Variants in RBFOX1 observed in about 807,000 individuals in gnomAD.
The protein encoded by RBFOX1 is RNA binding protein fox-1 homolog 1.
Under a neutral mutation model 57.7 loss-of-function variants are expected in RBFOX1, and 8 were observed. The observed-to-expected ratio is 0.14, with a 90% CI of 0.08 to 0.25. The LOEUF is 0.25. RBFOX1 is among the 10% of genes least tolerant of loss of function. The pLI, the probability that RBFOX1 is intolerant of heterozygous loss-of-function variation, is 1.00. For missense variants in RBFOX1, 611 were observed against 548.5 expected, an observed-to-expected ratio of 1.11 and a Z score of -1.14; for synonymous variants, 326 against 222.4, an observed-to-expected ratio of 1.47 and a Z score of -4.15.
chr16:6,588,794 T>A (rs1316948484), intron 2 of RBFOX1, among the ~76,000 whole-genome samples: 1 of 152,222 alleles, frequency 6.6e-6, no homozygotes, highest in East Asian at 1.9e-4. Flanking sequence ...GTCATTCAGT[T>A]CAACTTCAGC....
Position 5,848,046 on chromosome 16 carries a change from G to A in RBFOX1, c.319-19257G>A, listed in dbSNP as rs369948586. The stretch of plus-strand genomic sequence containing the variant: ...GCATACCCTGAGAATTATCCTGCAT[G>A]GCAGATGCACCTGAATGTGTGTCCG... On this transcript the variant is annotated intron_variant, in intron 3 of 19. Coordinates refer to the RBFOX1 transcript ENST00000641259. 7.2e-5 allele frequency among the ~76,000 whole-genome samples: 11 copies of A among 152,212 alleles called. No homozygotes were observed. The East Asian group carries it at 1.7e-3, about 24-fold the overall frequency.
At chr16:6,484,539 G>A (rs757943825) in intron 2 of RBFOX1, among the ~76,000 whole-genome samples, 1 of 152,138 alleles carries the variant, frequency 6.6e-6, no homozygotes, top group Non-Finnish European at 1.5e-5. Flanking sequence ...GGAATGAACT[G>A]TTATGCATTT....
intron 2 of RBFOX1, among the ~76,000 whole-genome samples, chr16:6,634,722 T>TATATTTGTATTAAATATATA: frequency 7.2e-6 from 1 of 138,934 alleles, no homozygotes; most frequent in Non-Finnish European, 1.5e-5. Context: ...AAATATATAA[T>TATATTTGTATTAAATATATA]ACAAAGATAT....
chr16:7,104,433 G>A (rs910807694), intron 4 of RBFOX1, among the ~76,000 whole-genome samples: 5 of 152,228 alleles, frequency 3.3e-5, no homozygotes, highest in Non-Finnish European at 5.9e-5. Flanking sequence ...TTGTCATCCT[G>A]AGATGGAGGG....
chr16:6,569,286 G>A (rs1235565358), intron 2 of RBFOX1, among the ~76,000 whole-genome samples: 1 of 152,128 alleles, frequency 6.6e-6, no homozygotes, highest in Non-Finnish European at 1.5e-5. Flanking sequence ...ATTTCTTTTT[G>A]TTGAATGAGT....
At chr16:6,333,276 C>G (rs1015668551) in intron 2 of RBFOX1, among the ~76,000 whole-genome samples, 7 of 152,162 alleles carry the variant, frequency 4.6e-5, no homozygotes, top group African/African-American at 1.7e-4. Flanking sequence ...AATTCCTGAG[C>G]TCAGGTGATC....
chr16:7,653,460 T>TG (rs1293665879), intron 11 of RBFOX1, among the ~76,000 whole-genome samples: 1 of 152,156 alleles, frequency 6.6e-6, no homozygotes, highest in Non-Finnish European at 1.5e-5. Context: ...GAGCCGTGAT[T>TG]GCACCACTGC....
At chr16:6,728,468 T>A (rs2067758128) in intron 3 of RBFOX1, among the ~76,000 whole-genome samples, 1 of 152,212 alleles carries the variant, frequency 6.6e-6, no homozygotes. Flanking sequence ...TATGAAGTAA[T>A]CCCTTTTATT....
intron 3 of RBFOX1, among the ~76,000 whole-genome samples, chr16:6,772,583 T>C (rs2078495806): frequency 2.7e-5 from 4 of 150,080 alleles, no homozygotes; most frequent in Non-Finnish European, 5.9e-5. Context: ...TGTGTATGTA[T>C]ATGGGTGGGT....
In RBFOX1 at chr16:6,842,630, C is replaced by G. The variant is rs576537389; in HGVS notation, c.-16+187980C>G. Among the ~76,000 whole-genome samples the G allele has an allele frequency of 3.9e-5, 4 of 102,624 alleles. No homozygotes were observed. In the South Asian group the frequency reaches 1.4e-3, roughly 35 times the overall value. The allele number at this position is 102,624 out of a possible 152,430, so 67.3% of individuals were successfully genotyped here. On this transcript the variant is annotated intron_variant, in intron 3 of 15. Transcript: ENST00000550418. ...AGTTTCCTGCTGACAGACATTTAGA[C>G]TGTTTTTTTTAAATCTATTTGCTTT... is the stretch of plus-strand genomic sequence containing the variant.
At chr16:5,493,238 T>C (rs1236237594) in intron 2 of RBFOX1, among the ~76,000 whole-genome samples, 1 of 152,208 alleles carries the variant, frequency 6.6e-6, no homozygotes, top group African/African-American at 2.4e-5. Context: ...TTTTTGTTAT[T>C]ATTTCTTACA....
intron 4 of RBFOX1, among the ~76,000 whole-genome samples, chr16:7,114,076 T>C (rs2065354402): frequency 6.6e-6 from 1 of 152,222 alleles, no homozygotes; most frequent in South Asian, 2.1e-4. Context: ...GGCAAAATTT[T>C]CTCTCACCTC....
chr16:6,804,564 C>G (rs1465947670), intron 3 of RBFOX1, among the ~76,000 whole-genome samples: 6 of 152,110 alleles, frequency 3.9e-5, no homozygotes, highest in Non-Finnish European at 5.9e-5. Flanking sequence ...TTGTATGTGG[C>G]TACTGTGGAA....
At position 7,147,321 on chromosome 16, in the gene RBFOX1, T is replaced by C. The variant is rs557325252; in HGVS notation, c.27+95223T>C. ...CACCTGGCCCTATTTTTAATTTTTT[T>C]TTCAACTTTTATTTTAGGTTTGAGT... On this transcript the variant is annotated intron_variant, in intron 4 of 15. Coordinates refer to ENST00000550418, the MANE Select transcript of RBFOX1 (RefSeq NM_018723.4). Among the ~76,000 whole-genome samples the C allele has an allele frequency of 1.0e-3, 152 of 149,472 alleles. 1 individual carries two copies. The highest frequency in any genetic ancestry group is 3.5e-3 in the African/African-American group (144 of 40,740).
chr16:6,681,863 A>T (rs1460802800), intron 3 of RBFOX1, among the ~76,000 whole-genome samples: 1 of 152,206 alleles, frequency 6.6e-6, no homozygotes, highest in Non-Finnish European at 1.5e-5. Context: ...TTGAGTGTCA[A>T]TCCAGTAAAT....
chr16:6,479,516 A>C (rs551143232), intron 2 of RBFOX1, among the ~76,000 whole-genome samples: 1 of 151,856 alleles, frequency 6.6e-6, no homozygotes, highest in South Asian at 2.1e-4. Context: ...TGAATCTGGG[A>C]AGCAGAAGTT....
chr16:6,521,951 A>C (rs758377828), intron 2 of RBFOX1, among the ~76,000 whole-genome samples: 46 of 152,308 alleles, frequency 3.0e-4, no homozygotes, highest in Non-Finnish European at 5.0e-4. Flanking sequence ...TGCAGGGCTC[A>C]GGAATTAAAA....
intron 2 of RBFOX1, among the ~76,000 whole-genome samples, chr16:6,652,601 T>G (rs1413014540): frequency 6.6e-6 from 1 of 152,120 alleles, no homozygotes; most frequent in Non-Finnish European, 1.5e-5. Context: ...GACCTTGAAC[T>G]TCCACCTGTA....
At chr16:6,270,197 A>G (rs1337600456) in intron 1 of RBFOX1, among the ~76,000 whole-genome samples, 2 of 152,142 alleles carry the variant, frequency 1.3e-5, no homozygotes, top group African/African-American at 2.4e-5. Context: ...ACAAATAAAA[A>G]AAAAAGAATA....
Sources: allele counts gnomAD v4.1 joint callset (sites outside exome capture counted in the v4.1 genomes callset), GRCh38; gene constraint gnomAD v4.1.1; transcripts MANE v1.5; gene names NCBI Gene and HGNC (gene_info 2026-07-23, HGNC 2026-07-21).